Variants in PCNX2 observed in about 807,000 individuals in gnomAD.
The protein encoded by PCNX2 is pecanex-like protein 2.
In PCNX2, 168 loss-of-function variants were observed where a neutral mutation model predicts 223.8. That is an observed-to-expected ratio of 0.75 (90% CI 0.66 to 0.85). The LOEUF (loss-of-function observed/expected upper bound fraction) is 0.85. Among genes scored for constraint, PCNX2 ranks in the 40% least tolerant of loss-of-function variants. The pLI is 0.00. For synonymous variants in PCNX2, 1,006 were observed against 1,052.6 expected (o/e 0.96, Z 0.86); for missense variants, 2,507 against 2,675.5 (o/e 0.94, Z 1.39).
At chr1:233,238,007 G>A (rs571615919) in intron 8 of PCNX2, among the ~76,000 whole-genome samples, 5 of 152,298 alleles carry the variant, frequency 3.3e-5, no homozygotes, top group East Asian at 1.9e-4. Flanking sequence ...TACATGATTC[G>A]TGAATAATAA....
intron 15 of PCNX2, among the ~76,000 whole-genome samples, chr1:233,197,554 A>G (rs1349122782): frequency 2.0e-5 from 3 of 152,248 alleles, no homozygotes; most frequent in South Asian, 2.1e-4. Context: ...AAATGTGGTA[A>G]CAAACGGGCC....
chr1:233,102,591 G>C (rs1674546046), intron 21 of PCNX2, among the ~76,000 whole-genome samples: 1 of 152,094 alleles, frequency 6.6e-6, no homozygotes, highest in Admixed American at 6.6e-5. Flanking sequence ...TTGTGGTTTT[G>C]AGTTTCACTT....
chr1:233,133,721 G>A (rs762598034), intron 21 of PCNX2, among the ~76,000 whole-genome samples: 19 of 152,126 alleles, frequency 1.2e-4, no homozygotes, highest in Non-Finnish European at 2.2e-4. Context: ...TTAGCCAGGC[G>A]TGGTGGTGCA....
intron 17 of PCNX2, among the ~76,000 whole-genome samples, chr1:233,176,284 T>A (rs760709874): frequency 2.0e-5 from 3 of 152,196 alleles, no homozygotes; most frequent in Non-Finnish European, 2.9e-5. Context: ...AGAGCCCTTA[T>A]CCTGGTGAAC....
At chr1:233,045,689 G>C (rs1671801962) in intron 25 of PCNX2, among the ~76,000 whole-genome samples, 1 of 152,190 alleles carries the variant, frequency 6.6e-6, no homozygotes, top group Non-Finnish European at 1.5e-5. Flanking sequence ...ACCCACATCA[G>C]ACATTGACTA....
At chr1:233,212,346 C>T (rs965042122) in intron 12 of PCNX2, among the ~76,000 whole-genome samples, 2 of 152,064 alleles carry the variant, frequency 1.3e-5, no homozygotes, top group East Asian at 1.9e-4. Context: ...TAATTCTCAC[C>T]GGTTTACTAT....
intron 16 of PCNX2, 27 bp downstream of exon 16, chr1:233,179,039 G>A: frequency 6.3e-7 from 1 of 1,591,566 alleles, no homozygotes; most frequent in Non-Finnish European, 8.6e-7. Flanking sequence ...GCTCAGTGAT[G>A]AGAGAGCACA....
intron 1 of PCNX2, chr1:233,290,782 A>G (rs1661714410): frequency 1.9e-5 from 19 of 985,442 alleles, no homozygotes; most frequent in Non-Finnish European, 2.2e-5. Flanking sequence ...CAGAACTGGA[A>G]ACAGAACAAG....
intron 19 of PCNX2, among the ~76,000 whole-genome samples, chr1:233,153,026 C>T (rs971299551): frequency 5.7e-4 from 87 of 152,180 alleles, no homozygotes; most frequent in African/African-American, 2.0e-3. Context: ...ATAATTATCT[C>T]CTAAACTTCC....
At chr1:233,124,977 A>T (rs1388517692) in intron 21 of PCNX2, among the ~76,000 whole-genome samples, 1 of 152,228 alleles carries the variant, frequency 6.6e-6, no homozygotes, top group Non-Finnish European at 1.5e-5. Context: ...TCTGTGATCA[A>T]TGAATATACT....
chr1:233,177,914 C>T lies in PCNX2; in HGVS notation c.3177-16G>A. ...GATGAAGGACCTGAAAGTGGAAAAACACAATACTTCATCAAAGATGTTCCT... is the reference window on the plus strand; with the variant it reads ...GATGAAGGACCTGAAAGTGGAAAAATACAATACTTCATCAAAGATGTTCCT... On this transcript the variant is annotated splice_polypyrimidine_tract_variant and intron_variant, in intron 16 of 33. Transcript: ENST00000258229. 6.3e-7 allele frequency: 1 copy of T among 1,590,026 alleles called. No individual in the cohort carries two copies. Among genetic ancestry groups the T allele is most frequent in the South Asian group, 1.1e-5 (1 of 90,390 alleles).
rs1251200048 is a variant in PCNX2 at position 232,999,360 on chromosome 1, C to G, written c.5348G>C (p.Arg1783Pro). The change falls in exon 31 of 34, where the codon CGA becomes CCA. Residue 1783 changes from arginine (R) to proline (P), a missense_variant. Around this residue, in one of 3 missense-constraint regions of PCNX2, gnomAD observed 1,372 missense variants for 1,509.4 expected, o/e 0.91. Transcript: ENST00000258229. ...CTGCTGCTGCCCGGCCCAAAGTCCTCGGACGCATTCTTTGTTAACCTGCAG... is the reference window on the plus strand; with the variant it reads ...CTGCTGCTGCCCGGCCCAAAGTCCTGGGACGCATTCTTTGTTAACCTGCAG... ...KVIKVNKECV[R>P]GLWAGQQQEL... is the part of the protein sequence containing the mutation. The G allele has an allele frequency of 1.3e-6, 2 of 1,595,726 alleles. No individual in the cohort carries two copies. Among genetic ancestry groups the G allele is most frequent in the Non-Finnish European group, 1.7e-6 (2 of 1,171,248 alleles).
At chr1:233,247,467 G>GT (rs1227934546) in intron 8 of PCNX2, among the ~76,000 whole-genome samples, 1 of 152,136 alleles carries the variant, frequency 6.6e-6, no homozygotes, top group African/African-American at 2.4e-5. Context: ...AACTCTTCTT[G>GT]TTTTTTGGTG....
chr1:233,263,985 G>A (rs548851902), intron 1 of PCNX2, among the ~76,000 whole-genome samples: 6 of 152,116 alleles, frequency 3.9e-5, no homozygotes, highest in African/African-American at 1.4e-4. Context: ...GGGTTGTATT[G>A]CACACAGGGA....
intron 25 of PCNX2, among the ~76,000 whole-genome samples, chr1:233,030,166 C>T (rs1263616582): frequency 6.6e-6 from 1 of 152,180 alleles, no homozygotes; most frequent in African/African-American, 2.4e-5. Context: ...ATAGTCTCTA[C>T]AGCCTTGAGT....
At chr1:233,009,642 T>G (rs1159605068) in intron 28 of PCNX2, among the ~76,000 whole-genome samples, 1 of 152,188 alleles carries the variant, frequency 6.6e-6, no homozygotes, top group Non-Finnish European at 1.5e-5. Context: ...TTGGGCTGGC[T>G]GTAGAAGAAT....
chr1:233,083,397 CA>C (rs1673452021), intron 23 of PCNX2, among the ~76,000 whole-genome samples: 1 of 152,170 alleles, frequency 6.6e-6, no homozygotes, highest in South Asian at 2.1e-4. Flanking sequence ...GGTGATATCA[CA>C]AGGAGCCGAT....
chr1:233,084,849 C>T (rs1673523229), intron 23 of PCNX2, among the ~76,000 whole-genome samples: 1 of 152,168 alleles, frequency 6.6e-6, no homozygotes. Flanking sequence ...CACTATTATA[C>T]ACTGCATTTG....
chr1:233,205,565 C>T (rs759530356), intron 13 of PCNX2, among the ~76,000 whole-genome samples: 8 of 151,986 alleles, frequency 5.3e-5, no homozygotes, highest in Non-Finnish European at 7.4e-5. Flanking sequence ...TATGATGGCA[C>T]GCACCTATAA....
Sources: allele counts gnomAD v4.1 joint callset (sites outside exome capture counted in the v4.1 genomes callset), GRCh38; gene constraint gnomAD v4.1.1; regional missense constraint gnomAD v4.1.1; transcripts MANE v1.5; gene names NCBI Gene and HGNC (gene_info 2026-07-23, HGNC 2026-07-21).